The following ZBTB20 variants were observed in gnomAD, a reference collection of about 807,000 sequenced individuals.
The protein encoded by ZBTB20 is zinc finger and BTB domain-containing protein 20.
In ZBTB20, 9 loss-of-function variants were observed where a neutral mutation model predicts 56.9. That is an observed-to-expected ratio of 0.16 (90% CI 0.10 to 0.28). ZBTB20 has a LOEUF of 0.28. Ranked by LOEUF, ZBTB20 falls within the 10% of genes least tolerant of loss-of-function variation. The pLI is 1.00. For synonymous variants in ZBTB20, 417 were observed against 420.7 expected, an observed-to-expected ratio of 0.99 and a Z score of 0.11; for missense variants, 655 against 1,003.0, an observed-to-expected ratio of 0.65 and a Z score of 4.69.
At chr3:114,568,022 T>A (rs752118785) in intron 6 of ZBTB20, among the ~76,000 whole-genome samples, 1 of 152,156 alleles carries the variant, frequency 6.6e-6, no homozygotes, top group Non-Finnish European at 1.5e-5. Context: ...TGTGCAGCAG[T>A]GTTAAAGGTG....
At chr3:114,814,112 A>T (rs2072757068) in intron 4 of ZBTB20, among the ~76,000 whole-genome samples, 1 of 151,792 alleles carries the variant, frequency 6.6e-6, no homozygotes, top group African/African-American at 2.4e-5. Flanking sequence ...TAAAATATAT[A>T]ATCAGAGCCC....
chr3:115,050,237 C>T (rs1178189278), intron 2 of ZBTB20, among the ~76,000 whole-genome samples: 4 of 151,704 alleles, frequency 2.6e-5, no homozygotes, highest in Admixed American at 1.3e-4. Context: ...ATGAATAAAA[C>T]GTTCATAAAG....
chr3:114,627,622 A>G (rs1017714554), intron 6 of ZBTB20, among the ~76,000 whole-genome samples: 1 of 152,214 alleles, frequency 6.6e-6, no homozygotes, highest in African/African-American at 2.4e-5. Flanking sequence ...TGACTTGTAC[A>G]TGGAGAATTC....
chr3:114,416,155 G>T (rs1298360212), intron 7 of ZBTB20, among the ~76,000 whole-genome samples: 1 of 151,912 alleles, frequency 6.6e-6, no homozygotes, highest in Non-Finnish European at 1.5e-5. Flanking sequence ...ATTTGCCCAC[G>T]TATGGTACAC....
chr3:114,780,566 C>A (rs942992463), intron 5 of ZBTB20, among the ~76,000 whole-genome samples: 4 of 152,174 alleles, frequency 2.6e-5, no homozygotes, highest in Non-Finnish European at 2.9e-5. Context: ...CGGCTCACTG[C>A]AACCTCCACC....
intron 6 of ZBTB20, among the ~76,000 whole-genome samples, chr3:114,597,412 G>A (rs1023275117): frequency 6.6e-5 from 10 of 152,122 alleles, no homozygotes; most frequent in Non-Finnish European, 1.5e-4. Flanking sequence ...TATTTTAAAC[G>A]TAAAGGAAGC....
intron 5 of ZBTB20, among the ~76,000 whole-genome samples, chr3:114,787,362 T>TACACAC (rs1165510633): frequency 1.2e-3 from 84 of 71,360 alleles, no homozygotes; most frequent in African/African-American, 4.6e-3. Context: ...TATATATATA[T>TACACAC]ATATATACAC....
intron 5 of ZBTB20, among the ~76,000 whole-genome samples, chr3:114,718,211 C>A (rs1407918577): frequency 1.3e-5 from 2 of 152,174 alleles, no homozygotes; most frequent in Non-Finnish European, 2.9e-5. Flanking sequence ...ATTGCTCCAC[C>A]CAGTTTCTTC....
intron 6 of ZBTB20, among the ~76,000 whole-genome samples, chr3:114,552,659 A>C (rs1182511645): frequency 6.6e-6 from 1 of 152,206 alleles, no homozygotes; most frequent in Non-Finnish European, 1.5e-5. Context: ...GAGCTCCCAC[A>C]AAAAAGTCTT....
chr3:114,520,342 T>C (rs571370756), intron 6 of ZBTB20, among the ~76,000 whole-genome samples: 1 of 152,276 alleles, frequency 6.6e-6, no homozygotes, highest in East Asian at 1.9e-4. Context: ...ATTGACTCAT[T>C]CCATAGTTTC....
chr3:114,446,607 T>G (rs754718291), intron 7 of ZBTB20, among the ~76,000 whole-genome samples: 52 of 152,176 alleles, frequency 3.4e-4, no homozygotes, highest in African/African-American at 1.2e-3. Flanking sequence ...GTGAAGAATA[T>G]TCATACAAAT....
chr3:114,853,580 C>T (rs895605196), intron 4 of ZBTB20, among the ~76,000 whole-genome samples: 15 of 152,230 alleles, frequency 9.9e-5, no homozygotes, highest in African/African-American at 3.4e-4. Context: ...CCTTAAACCC[C>T]TGGACTAATC....
At chr3:114,511,602 C>T (rs1169734352) in intron 6 of ZBTB20, among the ~76,000 whole-genome samples, 1 of 152,068 alleles carries the variant, frequency 6.6e-6, no homozygotes, top group African/African-American at 2.4e-5. Flanking sequence ...ATTAAATACA[C>T]AGGAATTCTA....
chr3:114,494,210 G>T (rs527430721), intron 7 of ZBTB20, among the ~76,000 whole-genome samples: 10 of 152,208 alleles, frequency 6.6e-5, no homozygotes, highest in Admixed American at 6.5e-4. Flanking sequence ...TAGAGTTTTT[G>T]TATTTTTTTT....
chr3:114,598,882 T>A (rs980540161), intron 6 of ZBTB20, among the ~76,000 whole-genome samples: 4 of 152,056 alleles, frequency 2.6e-5, no homozygotes, highest in Non-Finnish European at 5.9e-5. Flanking sequence ...ATAACCACTG[T>A]CGAATTTTTG....
At chr3:115,038,490 CAT>C (rs1300582562) in intron 2 of ZBTB20, among the ~76,000 whole-genome samples, 1 of 152,104 alleles carries the variant, frequency 6.6e-6, no homozygotes, top group Non-Finnish European at 1.5e-5. Context: ...AAACATACTT[CAT>C]ACTCTTATGC....
chr3:114,959,689 CCA>C (rs749179978), intron 3 of ZBTB20, among the ~76,000 whole-genome samples: 335 of 146,182 alleles, frequency 2.3e-3, no homozygotes, highest in Non-Finnish European at 4.1e-3. Context: ...TACACACACA[CCA>C]CACACACACA....
intron 7 of ZBTB20, among the ~76,000 whole-genome samples, chr3:114,475,310 A>T (rs1334444216): frequency 2.0e-5 from 3 of 152,064 alleles, no homozygotes; most frequent in Admixed American, 2.0e-4. Context: ...CTGAGCTCCA[A>T]GAATACCTTA....
chr3:114,372,897 C>A (rs938398907), intron 10 of ZBTB20, among the ~76,000 whole-genome samples: 1 of 152,068 alleles, frequency 6.6e-6, no homozygotes, highest in Non-Finnish European at 1.5e-5. Context: ...TGATCAAAAT[C>A]ATCACTAGGT....
Sources: gnomAD v4.1 joint callset for allele counts (sites outside exome capture counted in the v4.1 genomes callset) on GRCh38, gnomAD v4.1.1 for gene constraint, MANE v1.5 for transcripts, NCBI Gene and HGNC (gene_info 2026-07-23, HGNC 2026-07-21) for gene names.